Variants in SLC34A3 observed in about 807,000 individuals in gnomAD.
SLC34A3 encodes sodium-dependent phosphate transport protein 2C.
SLC34A3 carries 60 observed loss-of-function variants against 43.9 expected under a neutral mutation model. The ratio of observed to expected loss-of-function variants is 1.37; its 90% CI spans 1.11 to 1.70. The LOEUF is 1.70. Among genes scored for constraint, SLC34A3 ranks in the 40% most tolerant of loss-of-function variants. The probability of loss-of-function intolerance (pLI) is 0.00; values close to 1 mark genes in which losing one functional copy is unlikely to be tolerated. For missense variants in SLC34A3, 969 were observed against 823.8 expected (o/e 1.18, Z -2.16); for synonymous variants, 451 against 386.2 (o/e 1.17, Z -1.97).
At position 137,232,605 on chromosome 9, in the gene SLC34A3, T is replaced by A. The variant is rs760634105; in HGVS notation, c.206T>A (p.Val69Glu). ...CGCGTGGCCGGCAGGCTGCGCCGCG[T>A]GGCCGGCAGCGTCCTCAAGGCCTGC... is the stretch of plus-strand genomic sequence containing the variant. ...ELRVAGRLRRVAGSVLKACGL... is the reference protein window; with the variant it reads ...ELRVAGRLRREAGSVLKACGL... Residue 69 changes from valine to glutamate, a missense_variant, in exon 4 of 13, where the codon GTG becomes GAG. Coordinates refer to ENST00000673835, the MANE Select transcript of SLC34A3 (RefSeq NM_001177316.2). 1 of 1,611,358 alleles carries A rather than the reference T, an allele frequency of 6.2e-7. No individual in the cohort carries two copies. The highest frequency in any genetic ancestry group is 1.1e-5 in the South Asian group (1 of 91,016).
At chr9:137,231,454 G>T (rs1588839660) in intron 1 of SLC34A3, among the ~76,000 whole-genome samples, 1 of 152,026 alleles carries the variant, frequency 6.6e-6, no homozygotes, top group East Asian at 1.9e-4. Context: ...CCTGAAACTG[G>T]ACTGGGCTCG....
chr9:137,233,481 TGGAG>T (rs1836371429), intron 7 of SLC34A3, 77 bp downstream of exon 7: 1 of 1,585,726 alleles, frequency 6.3e-7, no homozygotes, highest in East Asian at 2.3e-5. Context: ...CCTGCCCTGA[TGGAG>T]GGTCAGCGGA....
Position 137,233,322 on chromosome 9 carries a change from G to C in SLC34A3, c.674G>C (p.Gly225Ala). The change falls in exon 7 of 13, where the codon GGT (glycine) becomes GCT (alanine). Residue 225 changes from glycine to alanine, a missense_variant. Physicochemically the swap from Gly to Ala is moderately conservative, Grantham distance 60. Coordinates refer to ENST00000673835, the MANE Select transcript of SLC34A3 (RefSeq NM_001177316.2). ...LLERLSELALGAASLTPRAQA... is the reference protein window; with the variant it reads ...LLERLSELALAAASLTPRAQA... ...GAGAGGCTAAGTGAGCTAGCCCTGG[G>C]TGCCGCCAGCCTGACACCCAGGGCG... 6.2e-7 allele frequency: 1 copy of C among 1,601,768 alleles called. No individual in the cohort carries two copies.
chr9:137,233,681 A>G lies in SLC34A3; in HGVS notation c.805A>G (p.Ser269Gly), dbSNP rs1452307748. Residue 269 changes from serine to glycine, a missense_variant, in exon 8 of 13, where the codon AGC becomes GGC. Transcript: ENST00000673835. ...CAGTGCCACAGGCAACGCCACTAAC[A>G]GCAGTCTCATTAAGCACTGGTGCGG... Reference protein sequence around the residue: ...MSSATGNATNSSLIKHWCGTT... With the variant: ...MSSATGNATNGSLIKHWCGTT... 2 of 1,612,688 alleles carry G rather than the reference A, an allele frequency of 1.2e-6. No individual in the cohort carries two copies. The highest frequency in any genetic ancestry group is 1.1e-5 in the South Asian group (1 of 91,076).
Position 137,234,330 on chromosome 9 carries a change from G to C in SLC34A3, c.1093+54G>C. The C allele has an allele frequency of 6.2e-7, 1 of 1,603,726 alleles. No homozygotes were observed. Among genetic ancestry groups the C allele is most frequent in the Non-Finnish European group, 8.5e-7 (1 of 1,178,798 alleles). ...CAGGGCTGACCCAGCATCCCCCATA[G>C]ACTTCCCCTTCCCACCAGGCTGACT... On this transcript the variant is annotated intron_variant, in intron 10 of 12. Coordinates refer to ENST00000673835, the MANE Select transcript of SLC34A3 (RefSeq NM_001177316.2). This position sits in a 1 kb window ranked among gnomAD's most constrained non-coding sequence, Gnocchi z 6.9.
chr9:137,231,543 G>C (rs1048890424), intron 1 of SLC34A3, 121 bp from the exon 2 acceptor site: 1 of 706,642 alleles, frequency 1.4e-6, no homozygotes, highest in Non-Finnish European at 2.6e-6. Context: ...CCTGCAGGGC[G>C]TAGAGAGGGA....
Position 137,233,045 on chromosome 9 carries a change from A to G in SLC34A3, c.490A>G (p.Asn164Asp). The G allele has an allele frequency of 1.2e-6, 2 of 1,611,992 alleles. No individual in the cohort carries two copies. The highest frequency in any genetic ancestry group is 1.7e-6 in the Non-Finnish European group (2 of 1,179,906). Reference protein sequence around the residue: ...RVSVPIIMGVNVGTSITSTLV... With the variant: ...RVSVPIIMGVDVGTSITSTLV... ...GTCTGTGCCCATCATCATGGGTGTC[A>G]ACGTAGGCACATCCATCACCAGCAC... The change falls in exon 6 of 13, where the codon AAC (asparagine) becomes GAC (aspartate). Residue 164 changes from asparagine to aspartate, a missense_variant. Asn to Asp is a conservative substitution (Grantham distance 23). Transcript: ENST00000673835.
At chr9:137,233,489 C>T in intron 7 of SLC34A3, 85 bp downstream of exon 7, 1 of 1,580,554 alleles carries the variant, frequency 6.3e-7, no homozygotes, top group Non-Finnish European at 8.7e-7. Flanking sequence ...GATGGAGGGT[C>T]AGCGGAGGGT....
chr9:137,233,530 G>C, intron 7 of SLC34A3, 103 bp from the exon 8 acceptor site: 25 of 1,543,894 alleles, frequency 1.6e-5, no homozygotes, highest in East Asian at 4.5e-5. Context: ...GGGGAGGAGA[G>C]GGCAGCAGTG....
Position 137,234,130 on chromosome 9 carries a change from C to A in SLC34A3, c.947C>A (p.Thr316Lys). ...RLPCRHLFAGTELTDLAVGCI... is the reference protein window; with the variant it reads ...RLPCRHLFAGKELTDLAVGCI... ...CCAGGCCGCCACCTGTTTGCGGGCA[C>A]GGAGCTCACGGACCTGGCCGTGGGC... The change falls in exon 10 of 13, where the codon ACG (threonine) becomes AAG (lysine). Residue 316 changes from threonine (T) to lysine (K), a missense_variant. By Grantham distance (78) the Thr-to-Lys change is moderately conservative (BLOSUM62 -1). Coordinates refer to ENST00000673835, the MANE Select transcript of SLC34A3 (RefSeq NM_001177316.2). The surrounding 1 kb of genome is among the most constrained non-coding windows in gnomAD (Gnocchi z 6.9). 6.3e-7 allele frequency: 1 copy of A among 1,592,590 alleles called. No individual in the cohort carries two copies.
At position 137,233,860 on chromosome 9, in the gene SLC34A3, C is replaced by T; in HGVS notation, c.847-3C>T. 1 of 1,608,054 alleles carries T rather than the reference C, an allele frequency of 6.2e-7. No homozygotes were observed. The highest frequency in any genetic ancestry group is 8.5e-7 in the Non-Finnish European group (1 of 1,178,472). ...TGTCCTGAGTCCTCCCTGCCCTCCC[C>T]AGACCCAGGAGAACAGCAGCTGTGG... On this transcript the variant is annotated splice_region_variant and splice_polypyrimidine_tract_variant and intron_variant, in intron 8 of 12. Transcript: ENST00000673835.
In SLC34A3 at chr9:137,234,542, C is replaced by G. The variant is rs764490364; in HGVS notation, c.1210+10C>G. The G allele has an allele frequency of 6.2e-7, 1 of 1,608,582 alleles. No individual in the cohort carries two copies. The highest frequency in any genetic ancestry group is 8.5e-7 in the Non-Finnish European group (1 of 1,178,174). ...GTCGTGCCCCTCATGGGTGAGCAGG[C>G]AGGACAGAGGCCTCGGGAACGGGGG... On this transcript the variant is annotated intron_variant, in intron 11 of 12. Coordinates refer to ENST00000673835, the MANE Select transcript of SLC34A3 (RefSeq NM_001177316.2). The surrounding 1 kb of genome is among the most constrained non-coding windows in gnomAD (Gnocchi z 6.9).
At position 137,233,040 on chromosome 9, in the gene SLC34A3, G is replaced by A. The variant is rs1349092119; in HGVS notation, c.485G>A (p.Gly162Asp). 5.0e-6 allele frequency: 8 copies of A among 1,612,060 alleles called. No individual in the cohort carries two copies. Among genetic ancestry groups the A allele is most frequent in the Non-Finnish European group, 6.8e-6 (8 of 1,179,904 alleles). Reference sequence around the variant, plus strand: ...CGGGTGTCTGTGCCCATCATCATGGGTGTCAACGTAGGCACATCCATCACC... The same window carrying A: ...CGGGTGTCTGTGCCCATCATCATGGATGTCAACGTAGGCACATCCATCACC... ...TVRVSVPIIM[G>D]VNVGTSITST... The change falls in exon 6 of 13, where the codon GGT becomes GAT. Residue 162 changes from glycine to aspartate, a missense_variant. Gly to Asp is a moderately conservative substitution (Grantham distance 94). Transcript: ENST00000673835.
rs936941992 is a variant in SLC34A3 at position 137,235,471 on chromosome 9, C to T, written c.1336-481C>T. ...CTCCCAGTGCAGGGTCCTGCTCCACCCCCTGCAGGAAGCCCTCCAGACTGC... is the reference window on the plus strand; with the variant it reads ...CTCCCAGTGCAGGGTCCTGCTCCACTCCCTGCAGGAAGCCCTCCAGACTGC... On this transcript the variant is annotated intron_variant, in intron 12 of 12. Transcript: ENST00000673835. Among the ~76,000 whole-genome samples the T allele has an allele frequency of 2.0e-5, 3 of 152,316 alleles. No homozygotes were observed. The South Asian group carries it at 6.2e-4, about 32-fold the overall frequency.
chr9:137,230,201 A>C (rs1373869462), upstream of SLC34A3, among the ~76,000 whole-genome samples: 1 of 151,960 alleles, frequency 6.6e-6, no homozygotes, highest in African/African-American at 2.4e-5. Flanking sequence ...GCCAGCTGGG[A>C]CTCCGCTGGG....
upstream of SLC34A3, among the ~76,000 whole-genome samples, chr9:137,229,844 G>A (rs1836100839): frequency 6.6e-6 from 1 of 152,272 alleles, no homozygotes; most frequent in Admixed American, 6.5e-5. Flanking sequence ...AGGGGCCGGG[G>A]CTGGGGCTGG....
In SLC34A3 at chr9:137,231,772, ACT is replaced by A. The variant is rs756418351; in HGVS notation, c.73_74del (p.Leu25GlufsTer3). 1.2e-6 allele frequency: 2 copies of A among 1,612,802 alleles called. No homozygotes were observed. Among genetic ancestry groups the A allele is most frequent in the South Asian group, 1.1e-5 (1 of 91,058 alleles). On this transcript the variant is annotated frameshift_variant, in exon 2 of 13. Transcript: ENST00000673835. LOFTEE classifies it high-confidence loss of function. ...GGACGCGGTTGACCTAGTGGAAAAG[ACT>A]CTGAGGAATGAAGGTACCAGTGGCC... ...TLDAVDLVEK[T>X]LRNEGTSSSA...
chr9:137,231,998 C>T (rs1433938107), intron 2 of SLC34A3, 74 bp from the exon 3 acceptor site: 26 of 1,443,380 alleles, frequency 1.8e-5, no homozygotes, highest in African/African-American at 4.2e-5. Flanking sequence ...GCCCGTCCTC[C>T]GGCCTGTGCC....
chr9:137,232,918 G>T lies in SLC34A3; in HGVS notation c.439G>T (p.Ala147Ser), dbSNP rs387907512. 1 of 1,607,540 alleles carries T rather than the reference G, an allele frequency of 6.2e-7. No homozygotes were observed. Among genetic ancestry groups the T allele is most frequent in the Non-Finnish European group, 8.5e-7 (1 of 1,177,450 alleles). The part of the protein sequence containing the change: ...TSSSIVVSMV[A>S]AKLLTVRVSV... ...CTCCTCCATCGTGGTCAGCATGGTGGCTGCTAAGCGTGGGTGCACACTCCC... is the reference window on the plus strand; with the variant it reads ...CTCCTCCATCGTGGTCAGCATGGTGTCTGCTAAGCGTGGGTGCACACTCCC... Residue 147 changes from alanine to serine, a missense_variant, in exon 5 of 13, where the codon GCT becomes TCT. Physicochemically the swap from Ala to Ser is moderately conservative, Grantham distance 99. Transcript: ENST00000673835.
Sources: gnomAD v4.1 joint callset for allele counts (sites outside exome capture counted in the v4.1 genomes callset) on GRCh38, gnomAD v4.1.1 for gene constraint, Gnocchi (gnomAD v3.1) non-coding constraint, MANE v1.5 for transcripts, NCBI Gene and HGNC (gene_info 2026-07-23, HGNC 2026-07-21) for gene names.